INO80: variants seen among roughly 807,000 people sequenced by gnomAD.
INO80 encodes INO80 complex ATPase subunit.
A neutral mutation model predicts 203.4 loss-of-function variants in INO80; 20 were observed. That is an observed-to-expected ratio of 0.10 (90% CI 0.07 to 0.14). INO80 has a LOEUF of 0.14. INO80 is among the 10% of genes least tolerant of loss of function. The pLI, the probability that INO80 is intolerant of heterozygous loss-of-function variation, is 1.00. For missense variants in INO80, 1,419 were observed against 1,914.4 expected, an observed-to-expected ratio of 0.74 and a Z score of 4.83; for synonymous variants, 726 against 685.2, an observed-to-expected ratio of 1.06 and a Z score of -0.93.
chr15:41,100,592 G>C (rs1334678438), intron 1 of INO80, among the ~76,000 whole-genome samples: 1 of 152,108 alleles, frequency 6.6e-6, no homozygotes, highest in East Asian at 1.9e-4. Flanking sequence ...CAGCTGCAAT[G>C]AATTCCCTTA....
At chr15:41,072,672 T>C (rs374696282) in intron 11 of INO80, among the ~76,000 whole-genome samples, 3 of 138,844 alleles carry the variant, frequency 2.2e-5, no homozygotes, top group Non-Finnish European at 4.7e-5. Context: ...AATAAATAAA[T>C]AAATAAATAA....
intron 25 of INO80, among the ~76,000 whole-genome samples, chr15:41,027,015 C>T (rs550854880): frequency 6.6e-6 from 1 of 152,148 alleles, no homozygotes; most frequent in Non-Finnish European, 1.5e-5. Context: ...CAACAGTGGA[C>T]AAATGGTGAA....
At chr15:40,993,891 T>C (rs765582243) in intron 29 of INO80, among the ~76,000 whole-genome samples, 1 of 152,228 alleles carries the variant, frequency 6.6e-6, no homozygotes, top group African/African-American at 2.4e-5. Context: ...TCTTCCTGTT[T>C]ATGTCTCCTT....
intron 24 of INO80, among the ~76,000 whole-genome samples, chr15:41,031,127 C>T (rs954432324): frequency 2.0e-5 from 3 of 152,074 alleles, no homozygotes; most frequent in Non-Finnish European, 4.4e-5. Flanking sequence ...CCCTGACTAC[C>T]CCTAGAATGT....
chr15:41,032,459 A>G (rs2044503684), intron 24 of INO80, among the ~76,000 whole-genome samples: 2 of 152,324 alleles, frequency 1.3e-5, no homozygotes, highest in Non-Finnish European at 2.9e-5. Flanking sequence ...GGGCATTTGC[A>G]GCACTCACGA....
intron 7 of INO80, 71 bp from the exon 8 acceptor site, chr15:41,081,144 C>CT: frequency 1.0e-6 from 1 of 955,296 alleles, no homozygotes; most frequent in Non-Finnish European, 1.7e-6. Flanking sequence ...AATGAACAGT[C>CT]TTTTACTCAA....
chr15:41,027,023 G>C (rs1348513472), intron 25 of INO80, among the ~76,000 whole-genome samples: 2 of 152,208 alleles, frequency 1.3e-5, no homozygotes, highest in Non-Finnish European at 2.9e-5. Context: ...GACAAATGGT[G>C]AATAGCAAAG....
At chr15:41,031,139 T>C (rs2044454588) in intron 24 of INO80, among the ~76,000 whole-genome samples, 4 of 152,158 alleles carry the variant, frequency 2.6e-5, no homozygotes, top group Non-Finnish European at 5.9e-5. Context: ...CTAGAATGTT[T>C]TACCCAATAT....
chr15:41,031,095 T>C (rs2044453188), intron 24 of INO80, among the ~76,000 whole-genome samples: 1 of 152,226 alleles, frequency 6.6e-6, no homozygotes, highest in Admixed American at 6.5e-5. Flanking sequence ...ATGCTCAACA[T>C]ATAGCCTCAA....
chr15:41,116,123 C>A lies in INO80; in HGVS notation c.-194G>T, dbSNP rs2046033132. 2 of 400,460 alleles carry A rather than the reference C, an allele frequency of 5.0e-6. No homozygotes were observed. Among genetic ancestry groups the A allele is most frequent in the East Asian group, 7.1e-5 (2 of 28,134 alleles). 24.8% of individuals were successfully genotyped at this position (400,460 alleles called of 1,614,324 possible). ...GTGACTGCGTTGGGCGTGGACGCTC[C>A]TAGCTCGCTCCCTCCGCGGCTCCTG... On this transcript the variant is annotated 5_prime_UTR_variant, in exon 1 of 36. In the 5' UTR this introduces an upstream ATG that the reference lacks. Transcript: ENST00000648947.
intron 14 of INO80, among the ~76,000 whole-genome samples, chr15:41,061,614 CTG>C (rs892089853): frequency 1.8e-4 from 27 of 151,628 alleles, no homozygotes; most frequent in African/African-American, 3.6e-4. Flanking sequence ...CAGAGTGAGA[CTG>C]TGTTTCAAAA....
intron 25 of INO80, 102 bp from the exon 26 acceptor site, chr15:41,021,227 T>C: frequency 1.4e-6 from 1 of 738,686 alleles, no homozygotes; most frequent in Non-Finnish European, 2.3e-6. Flanking sequence ...TGGATAGTTC[T>C]TAGACTAGTG....
chr15:41,025,370 C>A (rs1430527192), intron 25 of INO80, among the ~76,000 whole-genome samples: 1 of 152,096 alleles, frequency 6.6e-6, no homozygotes, highest in Non-Finnish European at 1.5e-5. Flanking sequence ...TTCAGGTCAA[C>A]AAATAAATAC....
intron 29 of INO80, among the ~76,000 whole-genome samples, chr15:40,993,309 C>A (rs944199954): frequency 1.3e-5 from 2 of 151,960 alleles, no homozygotes; most frequent in African/African-American, 4.8e-5. Context: ...AATGAACAAC[C>A]GGAGAAACTA....
chr15:41,080,828 G>C (rs2140626349), intron 8 of INO80, among the ~76,000 whole-genome samples, 192 bp downstream of exon 8: 1 of 152,240 alleles, frequency 6.6e-6, no homozygotes, highest in South Asian at 2.1e-4. Context: ...ACTCCAGCCT[G>C]GGTGGCTGAG....
At chr15:41,006,059 G>C (rs561148898) in intron 27 of INO80, among the ~76,000 whole-genome samples, 2 of 150,562 alleles carry the variant, frequency 1.3e-5, no homozygotes, top group South Asian at 4.2e-4. Flanking sequence ...TTTTGTCAGT[G>C]AATAACATTC....
At chr15:41,112,698 G>C (rs956519967) in intron 1 of INO80, among the ~76,000 whole-genome samples, 1 of 128,780 alleles carries the variant, frequency 7.8e-6, no homozygotes. Flanking sequence ...TGAAGCAGGA[G>C]AATTTCTTGA....
Position 41,085,458 on chromosome 15 carries a change from C to G in INO80, c.784G>C (p.Gly262Arg), listed in dbSNP as rs978689962. ...ATGGATAAGTGCTTTTTCTTAGTGCCAGGGGGAGGTGCATCGTGAGAAAAC... is the reference window on the plus strand; with the variant it reads ...ATGGATAAGTGCTTTTTCTTAGTGCGAGGGGGAGGTGCATCGTGAGAAAAC... ...AKFSHDAPPP[G>R]TKKKHLSIEQ... Residue 262 changes from glycine (G) to arginine (R), a missense_variant, in exon 7 of 36, where the codon GGC becomes CGC. Transcript: ENST00000648947. 3.1e-6 allele frequency: 5 copies of G among 1,614,004 alleles called. No homozygotes were observed. The Admixed American group carries it at 8.3e-5, about 27-fold the overall frequency.
chr15:41,099,534 C>G (rs2045776797), intron 1 of INO80, among the ~76,000 whole-genome samples: 2 of 152,010 alleles, frequency 1.3e-5, no homozygotes, highest in African/African-American at 4.8e-5. Context: ...GTAATCCCAG[C>G]ACTTTGGGAG....
Sources: gnomAD v4.1 joint callset for allele counts (sites outside exome capture counted in the v4.1 genomes callset) on GRCh38, gnomAD v4.1.1 for gene constraint, MANE v1.5 for transcripts, NCBI Gene and HGNC (gene_info 2026-07-23, HGNC 2026-07-21) for gene names.